NXPE2: variants seen among roughly 807,000 people sequenced by gnomAD.
NXPE2 encodes NXPE family member 2.
NXPE2 carries 34 observed loss-of-function variants against 34.4 expected under a neutral mutation model. The ratio of observed to expected loss-of-function variants is 0.99; its 90% CI spans 0.75 to 1.31. The LOEUF is 1.31. Among genes scored for constraint, NXPE2 ranks in the 40% most tolerant of loss-of-function variants. NXPE2 has a pLI of 0.00. For missense variants in NXPE2, 649 were observed against 672.5 expected, an observed-to-expected ratio of 0.97 and a Z score of 0.39; for synonymous variants, 235 against 231.3, an observed-to-expected ratio of 1.02 and a Z score of -0.15.
the NXPE2 span, among the ~76,000 whole-genome samples, chr11:114,640,056 A>T: frequency 1.7e-5 from 2 of 118,434 alleles, no homozygotes; most frequent in African/African-American, 3.5e-5. Context: ...ATAATATATA[A>T]TTTATTTAAA....
chr11:114,544,380 C>G, the NXPE2 span, among the ~76,000 whole-genome samples: 3 of 152,122 alleles, frequency 2.0e-5, no homozygotes, highest in Middle Eastern at 3.2e-3. Flanking sequence ...AAAGAATGAA[C>G]AGATTAATCA....
chr11:114,633,496 G>T, the NXPE2 span, among the ~76,000 whole-genome samples: 4 of 149,474 alleles, frequency 2.7e-5, no homozygotes, highest in East Asian at 7.8e-4. Context: ...AAGTTTTAGG[G>T]TACATGTGCA....
the NXPE2 span, among the ~76,000 whole-genome samples, chr11:114,647,946 T>G: frequency 1.4e-4 from 21 of 152,180 alleles, no homozygotes; most frequent in Non-Finnish European, 2.9e-4. Context: ...GTGATCCACC[T>G]GCCTTGGCCT....
the NXPE2 span, chr11:114,584,497 C>G: frequency 1.1e-5 from 2 of 183,580 alleles, no homozygotes; most frequent in Non-Finnish European, 2.3e-5. Context: ...AGATGAATTA[C>G]CTGTGAGGAA....
At chr11:114,800,788 A>T in the NXPE2 span, among the ~76,000 whole-genome samples, 2 of 125,916 alleles carry the variant, frequency 1.6e-5, no homozygotes, top group Admixed American at 1.8e-4. Flanking sequence ...GAAGATAAAG[A>T]TACCCACCTC....
At chr11:114,621,497 T>G in the NXPE2 span, among the ~76,000 whole-genome samples, 1 of 152,152 alleles carries the variant, frequency 6.6e-6, no homozygotes, top group Non-Finnish European at 1.5e-5. Flanking sequence ...TATTACTCAT[T>G]GGAAAATAAG....
the NXPE2 span, among the ~76,000 whole-genome samples, chr11:114,803,345 T>A: frequency 6.6e-6 from 1 of 152,206 alleles, no homozygotes; most frequent in South Asian, 2.1e-4. Context: ...GTTGGCCTAT[T>A]TAAGATGCAC....
At chr11:114,652,580 T>C in the NXPE2 span, among the ~76,000 whole-genome samples, 1 of 152,188 alleles carries the variant, frequency 6.6e-6, no homozygotes, top group South Asian at 2.1e-4. Flanking sequence ...ACACAGTGAG[T>C]GTTGCTCGAC....
At chr11:114,734,332 A>G in the NXPE2 span, among the ~76,000 whole-genome samples, 9 of 152,304 alleles carry the variant, frequency 5.9e-5, no homozygotes, top group African/African-American at 2.2e-4. Flanking sequence ...GCTATTTGCT[A>G]TATGTCTTAG....
At chr11:114,683,421 C>T (rs1424482133) in intron 2 of NXPE2, among the ~76,000 whole-genome samples, 1 of 98,082 alleles carries the variant, frequency 1.0e-5, no homozygotes, top group African/African-American at 4.1e-5. Context: ...TTTATAGAGT[C>T]AAAGTTTTTT....
the NXPE2 span, among the ~76,000 whole-genome samples, chr11:114,603,187 T>G: frequency 6.6e-6 from 1 of 151,956 alleles, no homozygotes; most frequent in Non-Finnish European, 1.5e-5. Context: ...GGATGATAAG[T>G]ATTGCCTCGT....
the NXPE2 span, among the ~76,000 whole-genome samples, chr11:114,624,708 G>A: frequency 0.14 from 21,557 of 152,060 alleles, 1,896 homozygotes; most frequent in East Asian, 0.37. Flanking sequence ...GGTAACCACT[G>A]TCTCCTGGTG....
chr11:114,811,596 C>G, the NXPE2 span, among the ~76,000 whole-genome samples: 2 of 152,268 alleles, frequency 1.3e-5, no homozygotes, highest in East Asian at 1.9e-4. Flanking sequence ...GATGGCCGGG[C>G]CTTACCCCTG....
At chr11:114,733,242 C>T in the NXPE2 span, among the ~76,000 whole-genome samples, 2 of 152,096 alleles carry the variant, frequency 1.3e-5, no homozygotes, top group Non-Finnish European at 2.9e-5. Flanking sequence ...TACAGGCGCC[C>T]ACCAACACGC....
the NXPE2 span, among the ~76,000 whole-genome samples, chr11:114,803,966 A>C: frequency 1.3e-5 from 2 of 152,274 alleles, no homozygotes; most frequent in East Asian, 3.9e-4. Context: ...CCTCCATTTA[A>C]AACTGTAACA....
chr11:114,706,816 T>C lies in NXPE2; in HGVS notation c.1566T>C (p.Asn522=). The change falls in exon 6 of 6, where the codon AAT becomes AAC. Residue 522 remains asparagine, a synonymous_variant. Coordinates refer to ENST00000389586, the MANE Select transcript of NXPE2 (RefSeq NM_182495.6). ...LIIRDIFVDL[N]VGIIDAWDMT... is the part of the protein sequence containing the mutation. ...TAAGAGATATTTTTGTGGATCTTAATGTGGGTATTATTGATGCCTGGGACA... is the reference window on the plus strand; with the variant it reads ...TAAGAGATATTTTTGTGGATCTTAACGTGGGTATTATTGATGCCTGGGACA... The C allele has an allele frequency of 6.4e-7, 1 of 1,552,210 alleles. No individual in the cohort carries two copies. The highest frequency in any genetic ancestry group is 8.7e-7 in the Non-Finnish European group (1 of 1,146,918).
the NXPE2 span, among the ~76,000 whole-genome samples, chr11:114,752,853 G>A: frequency 1.3e-5 from 2 of 152,168 alleles, no homozygotes; most frequent in African/African-American, 4.8e-5. Context: ...AGGCAAGCTT[G>A]GAGGTACACA....
the NXPE2 span, among the ~76,000 whole-genome samples, chr11:114,465,240 A>G: frequency 6.6e-6 from 1 of 152,208 alleles, no homozygotes; most frequent in Non-Finnish European, 1.5e-5. Flanking sequence ...GATATTCATA[A>G]CAGTCCTACA....
chr11:114,657,744 A>G, the NXPE2 span, among the ~76,000 whole-genome samples: 3 of 152,170 alleles, frequency 2.0e-5, no homozygotes. Context: ...GTACAAAGAA[A>G]AAAAGATATA....
Sources: allele counts gnomAD v4.1 joint callset (sites outside exome capture counted in the v4.1 genomes callset), GRCh38; gene constraint gnomAD v4.1.1; transcripts MANE v1.5; gene names NCBI Gene and HGNC (gene_info 2026-07-23, HGNC 2026-07-21).